LINGO2: variants seen among roughly 807,000 people sequenced by gnomAD.
The protein encoded by LINGO2 is leucine-rich repeat and immunoglobulin-like domain-containing nogo receptor-interacting protein 2.
In LINGO2, 14 loss-of-function variants were observed where a neutral mutation model predicts 30.6. The ratio of observed to expected loss-of-function variants is 0.46; its 90% CI spans 0.30 to 0.72. The LOEUF is 0.72. Among genes scored for constraint, LINGO2 ranks in the 30% least tolerant of loss-of-function variants. LINGO2 has a pLI of 0.07. For synonymous variants in LINGO2, 317 were observed against 288.5 expected (o/e 1.10, Z -1.00); for missense variants, 729 against 751.7 (o/e 0.97, Z 0.35).
chr9:28,941,508 G>A, the LINGO2 span, among the ~76,000 whole-genome samples: 1 of 151,924 alleles, frequency 6.6e-6, no homozygotes, highest in African/African-American at 2.4e-5. Context: ...TTGCAACTAG[G>A]CAAAAATGTA....
chr9:28,237,103 A>C (rs1821595217), intron 4 of LINGO2, among the ~76,000 whole-genome samples: 1 of 104,442 alleles, frequency 9.6e-6, no homozygotes, highest in Non-Finnish European at 1.8e-5. Context: ...GAGAAACAAA[A>C]TAGTTAAACA....
the LINGO2 span, among the ~76,000 whole-genome samples, chr9:28,780,089 C>T: frequency 2.0e-5 from 3 of 151,974 alleles, no homozygotes; most frequent in African/African-American, 7.2e-5. Context: ...CAGTAAATGA[C>T]CTTAAAATGA....
chr9:28,091,204 G>GA (rs200294887), intron 4 of LINGO2, among the ~76,000 whole-genome samples: 4 of 152,020 alleles, frequency 2.6e-5, no homozygotes, highest in Admixed American at 2.0e-4. Flanking sequence ...CACAGAATTG[G>GA]AAAAAACTAC....
At chr9:28,754,860 T>A in the LINGO2 span, among the ~76,000 whole-genome samples, 1 of 152,102 alleles carries the variant, frequency 6.6e-6, no homozygotes, top group Non-Finnish European at 1.5e-5. Context: ...CTTGATCTCC[T>A]GATCCCATGA....
chr9:28,043,833 C>T (rs1472919384), intron 4 of LINGO2, among the ~76,000 whole-genome samples: 1 of 152,118 alleles, frequency 6.6e-6, no homozygotes, highest in Non-Finnish European at 1.5e-5. Context: ...AGCCTGATAG[C>T]TACAAAACAA....
chr9:28,167,343 T>C (rs1001995621), intron 4 of LINGO2, among the ~76,000 whole-genome samples: 1 of 152,014 alleles, frequency 6.6e-6, no homozygotes, highest in Admixed American at 6.6e-5. Flanking sequence ...TCATTTCCCT[T>C]CCCTAAGAGA....
At chr9:28,157,969 C>G (rs919645714) in intron 4 of LINGO2, among the ~76,000 whole-genome samples, 1 of 152,220 alleles carries the variant, frequency 6.6e-6, no homozygotes, top group African/African-American at 2.4e-5. Flanking sequence ...TTCCTGTCTT[C>G]TTCTGAGTCC....
chr9:28,377,491 T>C (rs1241027508), intron 2 of LINGO2, among the ~76,000 whole-genome samples: 1 of 152,192 alleles, frequency 6.6e-6, no homozygotes, highest in Non-Finnish European at 1.5e-5. Context: ...CAGTAGGCTA[T>C]TCGTAGTTAA....
At chr9:28,273,021 A>T (rs375472789) in intron 4 of LINGO2, among the ~76,000 whole-genome samples, 1 of 152,112 alleles carries the variant, frequency 6.6e-6, no homozygotes, top group African/African-American at 2.4e-5. Flanking sequence ...TTTTGACCTT[A>T]TGTATTTTTT....
At chr9:28,269,120 A>AT (rs1822854236) in intron 4 of LINGO2, among the ~76,000 whole-genome samples, 1 of 151,970 alleles carries the variant, frequency 6.6e-6, no homozygotes, top group Non-Finnish European at 1.5e-5. Flanking sequence ...CTTTTTCTAG[A>AT]TTTTTGTGAG....
chr9:29,038,158 T>G, the LINGO2 span, among the ~76,000 whole-genome samples: 529 of 152,188 alleles, frequency 3.5e-3, 1 homozygote, highest in African/African-American at 0.012. Context: ...TGCTAGGTTA[T>G]AGTACACATA....
upstream of LINGO2, among the ~76,000 whole-genome samples, chr9:28,672,242 T>C (rs1274741482): frequency 6.6e-6 from 1 of 152,168 alleles, no homozygotes; most frequent in African/African-American, 2.4e-5. Context: ...CCAAGAATGG[T>C]TGCATTGCAT....
chr9:28,800,285 C>T, the LINGO2 span, among the ~76,000 whole-genome samples: 1 of 152,012 alleles, frequency 6.6e-6, no homozygotes. Flanking sequence ...TTTTCTTTCA[C>T]AAAAATGGAG....
At chr9:28,503,911 T>C (rs1819995834) in intron 1 of LINGO2, among the ~76,000 whole-genome samples, 1 of 151,698 alleles carries the variant, frequency 6.6e-6, no homozygotes, top group Non-Finnish European at 1.5e-5. Context: ...ATAAATAAGA[T>C]ATTAGGAAAG....
At chr9:27,995,911 A>G (rs1324495908) in intron 5 of LINGO2, among the ~76,000 whole-genome samples, 1 of 152,196 alleles carries the variant, frequency 6.6e-6, no homozygotes, top group Non-Finnish European at 1.5e-5. Flanking sequence ...ATGGGAAAGA[A>G]GTCAACTGTA....
the LINGO2 span, among the ~76,000 whole-genome samples, chr9:28,749,781 G>A: frequency 6.6e-6 from 1 of 151,986 alleles, no homozygotes; most frequent in Non-Finnish European, 1.5e-5. Context: ...CAGACTCTAA[G>A]AATGAGTACG....
At chr9:28,186,757 C>G (rs77351836) in intron 4 of LINGO2, among the ~76,000 whole-genome samples, 1 of 151,904 alleles carries the variant, frequency 6.6e-6, no homozygotes, top group Non-Finnish European at 1.5e-5. Context: ...AGAACAGATG[C>G]GAAGGCCCTG....
intron 4 of LINGO2, among the ~76,000 whole-genome samples, chr9:28,036,631 G>A (rs1823949090): frequency 6.6e-6 from 1 of 152,198 alleles, no homozygotes; most frequent in Non-Finnish European, 1.5e-5. Context: ...AAAGGGACAA[G>A]ACTTTAGCCC....
At chr9:29,151,118 A>C in the LINGO2 span, among the ~76,000 whole-genome samples, 1 of 151,968 alleles carries the variant, frequency 6.6e-6, no homozygotes, top group East Asian at 1.9e-4. Flanking sequence ...CAGCATTGTT[A>C]TGAAAAAAAA....
Sources: gnomAD v4.1 joint callset for allele counts (sites outside exome capture counted in the v4.1 genomes callset) on GRCh38, gnomAD v4.1.1 for gene constraint, MANE v1.5 for transcripts, NCBI Gene and HGNC (gene_info 2026-07-23, HGNC 2026-07-21) for gene names.